SLC2A9: variants seen among roughly 807,000 people sequenced by gnomAD.
SLC2A9 encodes solute carrier family 2, facilitated glucose transporter member 9.
Under a neutral mutation model 50.6 loss-of-function variants are expected in SLC2A9, and 39 were observed. That is an observed-to-expected ratio of 0.77 (90% CI 0.60 to 1.01). The LOEUF is 1.01. SLC2A9 is among the 50% of genes least tolerant of loss of function. The pLI, the probability that SLC2A9 is intolerant of heterozygous loss-of-function variation, is 0.00. For synonymous variants in SLC2A9, 324 were observed against 276.9 expected (o/e 1.17, Z -1.69); for missense variants, 686 against 677.6 (o/e 1.01, Z -0.14).
chr4:9,910,780 T>C (rs767529588), intron 7 of SLC2A9, among the ~76,000 whole-genome samples: 1 of 152,296 alleles, frequency 6.6e-6, no homozygotes, highest in Middle Eastern at 3.4e-3. Context: ...TGTCCCTTAG[T>C]AGGTTAGTGA....
At chr4:9,780,219 G>A (rs1340423359) in intron 3 of SLC2A9, among the ~76,000 whole-genome samples, 3 of 152,178 alleles carry the variant, frequency 2.0e-5, no homozygotes, top group Admixed American at 2.0e-4. Flanking sequence ...ACTGCCTGCT[G>A]GGAAGACAGA....
intron 8 of SLC2A9, among the ~76,000 whole-genome samples, chr4:9,894,326 A>G (rs1332791650): frequency 6.6e-6 from 1 of 152,250 alleles, no homozygotes; most frequent in Non-Finnish European, 1.5e-5. Flanking sequence ...TAGGACATAA[A>G]TCTGTATATA....
intron 8 of SLC2A9, among the ~76,000 whole-genome samples, chr4:9,894,976 T>C (rs900137208): frequency 2.6e-5 from 4 of 152,208 alleles, no homozygotes; most frequent in African/African-American, 4.8e-5. Flanking sequence ...ATGTGTTACA[T>C]TGTTTTACGG....
At chr4:9,969,594 C>T (rs939204065) in intron 5 of SLC2A9, among the ~76,000 whole-genome samples, 1 of 152,140 alleles carries the variant, frequency 6.6e-6, no homozygotes, top group African/African-American at 2.4e-5. Flanking sequence ...CTGATAAAGA[C>T]ATACCTGAGA....
chr4:9,857,673 T>TC (rs1730948762), intron 10 of SLC2A9, among the ~76,000 whole-genome samples: 1 of 152,132 alleles, frequency 6.6e-6, no homozygotes. Context: ...CTCCCAGAGT[T>TC]CCCCAGAGAA....
rs147532156 is a variant in SLC2A9 at position 9,818,738 on chromosome 4, G to C, written n.420+7682C>G. Among the ~76,000 whole-genome samples the C allele has an allele frequency of 3.8e-3, 573 of 152,332 alleles. 3 individuals are homozygous for C. Among genetic ancestry groups the C allele is most frequent in the African/African-American group, 0.013 (535 of 41,578 alleles). ...TATTATTTTCTTTGTCCTGGGAATT[G>C]CTTGCCACAGCATTGACACAGTCTC... On this transcript the variant is annotated intron_variant and non_coding_transcript_variant, in intron 3 of 3. Coordinates refer to the SLC2A9 transcript ENST00000503280.
intron 2 of SLC2A9, chr4:10,009,477 G>A (rs1761387556): frequency 6.6e-6 from 1 of 152,156 alleles, no homozygotes; most frequent in Admixed American, 6.5e-5. Context: ...TCTGCCTTTA[G>A]GGAAGGAGCA....
intron 3 of SLC2A9, chr4:9,781,896 T>G: frequency 1.3e-6 from 1 of 762,340 alleles, no homozygotes; most frequent in South Asian, 2.8e-5. Context: ...GCGCAGCTCA[T>G]GGTGAGCGCC....
intron 6 of SLC2A9, among the ~76,000 whole-genome samples, chr4:9,932,209 A>C (rs936469281): frequency 1.3e-4 from 19 of 151,592 alleles, no homozygotes; most frequent in African/African-American, 4.1e-4. Flanking sequence ...TCTCCATCCA[A>C]TTGCTATAAA....
At chr4:9,842,469 T>G (rs1007935474) in intron 10 of SLC2A9, among the ~76,000 whole-genome samples, 1 of 152,340 alleles carries the variant, frequency 6.6e-6, no homozygotes, top group South Asian at 2.1e-4. Flanking sequence ...TCTTTCTTCA[T>G]GACCAAACTA....
chr4:9,914,212 G>A lies in SLC2A9; in HGVS notation c.1003-5867C>T, dbSNP rs1380085310. ...GGAGGGTGCTAAGTCCTATGGAGCAGGGCAAGTGGAATTACCCGAGAGGTG... is the reference window on the plus strand; with the variant it reads ...GGAGGGTGCTAAGTCCTATGGAGCAAGGCAAGTGGAATTACCCGAGAGGTG... On this transcript the variant is annotated intron_variant, in intron 7 of 11. Coordinates refer to ENST00000264784, the MANE Select transcript of SLC2A9 (RefSeq NM_020041.3). Among the ~76,000 whole-genome samples, 5 of 152,308 alleles carry A rather than the reference G, an allele frequency of 3.3e-5. No homozygotes were observed. The Middle Eastern group carries it at 0.014, about 414-fold the overall frequency.
chr4:9,911,510 C>T (rs567506819), intron 7 of SLC2A9, among the ~76,000 whole-genome samples: 1 of 152,194 alleles, frequency 6.6e-6, no homozygotes, highest in Non-Finnish European at 1.5e-5. Context: ...CGCCAGCCCC[C>T]ACGGTGTGTG....
intron 3 of SLC2A9, among the ~76,000 whole-genome samples, chr4:9,791,138 T>C (rs1719868270): frequency 6.6e-6 from 1 of 152,232 alleles, no homozygotes; most frequent in African/African-American, 2.4e-5. Context: ...AAGCTGTATG[T>C]AATATTTTGC....
intron 8 of SLC2A9, among the ~76,000 whole-genome samples, chr4:9,907,477 T>C (rs1281640669): frequency 1.3e-5 from 2 of 152,244 alleles, no homozygotes; most frequent in African/African-American, 4.8e-5. Flanking sequence ...TGCCTTCTTT[T>C]GAACATATTG....
intron 3 of SLC2A9, among the ~76,000 whole-genome samples, chr4:9,792,293 C>T (rs1400300352): frequency 6.7e-6 from 1 of 148,572 alleles, no homozygotes; most frequent in Non-Finnish European, 1.5e-5. Context: ...CCTCCTGCTA[C>T]AGCCTCCCAA....
chr4:9,845,190 T>C (rs991821074), intron 10 of SLC2A9, among the ~76,000 whole-genome samples: 3 of 151,782 alleles, frequency 2.0e-5, no homozygotes, highest in African/African-American at 7.3e-5. Flanking sequence ...ATTTTTTGTA[T>C]TTTTAGTAGA....
intron 8 of SLC2A9, among the ~76,000 whole-genome samples, chr4:9,899,678 TG>T (rs1239524761): frequency 5.9e-5 from 9 of 152,222 alleles, no homozygotes; most frequent in Non-Finnish European, 1.3e-4. Context: ...TGTATCTGTT[TG>T]GGCCAAAGGT....
chr4:9,879,707 C>T (rs2109616626), intron 10 of SLC2A9: 1 of 985,422 alleles, frequency 1.0e-6, no homozygotes. Flanking sequence ...TAAACACAAA[C>T]TCCCCATAGA....
chr4:9,940,902 T>C (rs1262954905), intron 6 of SLC2A9, among the ~76,000 whole-genome samples: 1 of 152,242 alleles, frequency 6.6e-6, no homozygotes, highest in Non-Finnish European at 1.5e-5. Flanking sequence ...AGAACTAAAA[T>C]GCACAGAGTT....
Sources: gnomAD v4.1 joint callset for allele counts (sites outside exome capture counted in the v4.1 genomes callset) on GRCh38, gnomAD v4.1.1 for gene constraint, MANE v1.5 for transcripts, NCBI Gene and HGNC (gene_info 2026-07-23, HGNC 2026-07-21) for gene names.